PTK2: variants seen among roughly 807,000 people sequenced by gnomAD.
PTK2 encodes the protein focal adhesion kinase 1.
Under a neutral mutation model 150.1 loss-of-function variants are expected in PTK2, and 45 were observed. That is an observed-to-expected ratio of 0.30 (90% CI 0.24 to 0.38). PTK2 has a LOEUF of 0.38. PTK2 is among the 10% of genes least tolerant of loss of function. PTK2 has a pLI of 1.00. For missense variants in PTK2, 919 were observed against 1,307.3 expected (o/e 0.70, Z 4.58); for synonymous variants, 432 against 449.2 (o/e 0.96, Z 0.48).
rs543839655 is a variant in PTK2 at position 140,704,209 on chromosome 8, G to T, written c.2230-1502C>A. On this transcript the variant is annotated intron_variant, in intron 24 of 31. Transcript: ENST00000522684. ...GTCTAAGGCAGTTTTCTACATAATAGTAACCATGTAGAAGGATCACTTTAG... is the reference window on the plus strand; with the variant it reads ...GTCTAAGGCAGTTTTCTACATAATATTAACCATGTAGAAGGATCACTTTAG... Among the ~76,000 whole-genome samples, 58 of 152,262 alleles carry T rather than the reference G, an allele frequency of 3.8e-4. 1 individual carries two copies. In the South Asian group the frequency reaches 3.9e-3, roughly 10 times the overall value.
At chr8:140,988,602 G>C (rs2100194284) in intron 1 of PTK2, among the ~76,000 whole-genome samples, 1 of 152,136 alleles carries the variant, frequency 6.6e-6, no homozygotes, top group South Asian at 2.1e-4. Context: ...GGTGGTGGGC[G>C]CCCGTAGCCC....
chr8:140,793,426 T>A (rs747550559), intron 12 of PTK2, 42 bp from the exon 13 acceptor site: 2 of 1,596,048 alleles, frequency 1.3e-6, no homozygotes, highest in Non-Finnish European at 1.7e-6. Flanking sequence ...CTCTTTTCAC[T>A]CCTTTTGAAA....
chr8:140,679,138 C>T (rs2100015678), intron 27 of PTK2, among the ~76,000 whole-genome samples: 1 of 149,576 alleles, frequency 6.7e-6, no homozygotes, highest in African/African-American at 2.5e-5. Flanking sequence ...GATTCTCCTG[C>T]CTCAGCCTCC....
intron 2 of PTK2, among the ~76,000 whole-genome samples, chr8:140,912,723 G>A (rs1459902763): frequency 6.6e-6 from 1 of 152,096 alleles, no homozygotes; most frequent in Admixed American, 6.6e-5. Context: ...CACTTTGGGA[G>A]GCCGAGGCGG....
Position 140,879,561 on chromosome 8 carries a change from C to A in PTK2, c.272G>T (p.Arg91Leu), listed in dbSNP as rs1687166375. 6.2e-7 allele frequency: 1 copy of A among 1,612,678 alleles called. No individual in the cohort carries two copies. Among genetic ancestry groups the A allele is most frequent in the Non-Finnish European group, 8.5e-7 (1 of 1,179,650 alleles). ...GTGAAGCCAGTGAACCTCCTCTGAC[C>A]GCAGGTGACTGAGGCGGAATCCATA... The change falls in exon 4 of 32, where the codon CGG (arginine) becomes CTG (leucine). Residue 91 changes from arginine to leucine, a missense_variant. Arg to Leu is a moderately radical substitution (Grantham distance 102, BLOSUM62 -2). Transcript: ENST00000522684.
Position 140,746,979 on chromosome 8 carries a change from C to T in PTK2, c.1418-119G>A. On this transcript the variant is annotated intron_variant, in intron 17 of 31. Transcript: ENST00000522684. ...AATCTCGACTCATTGCAACCTCCAC[C>T]TCCTGGGTTCAAGTGATTCTCCTGC... 4.6e-6 allele frequency: 3 copies of T among 656,756 alleles called. No individual in the cohort carries two copies. The South Asian group carries it at 6.1e-5, about 13-fold the overall frequency. The allele number at this position is 656,756 out of a possible 1,614,324, so 40.7% of individuals were successfully genotyped here.
chr8:140,747,054 C>A (rs1482610587), intron 17 of PTK2, 194 bp from the exon 21 acceptor site: 8 of 477,974 alleles, frequency 1.7e-5, no homozygotes, highest in Non-Finnish European at 3.0e-5. Context: ...CCACGCCCGG[C>A]TAATTTTTTG....
At chr8:140,878,061 AAAC>A (rs2100146742) in intron 4 of PTK2, among the ~76,000 whole-genome samples, 1 of 152,194 alleles carries the variant, frequency 6.6e-6, no homozygotes, top group East Asian at 1.9e-4. Context: ...TCAAAAAACA[AAAC>A]AACACAAAAA....
intron 1 of PTK2, among the ~76,000 whole-genome samples, chr8:140,988,015 A>C (rs1038436764): frequency 2.0e-5 from 3 of 151,034 alleles, no homozygotes; most frequent in Non-Finnish European, 4.4e-5. Flanking sequence ...ACTGCACTCC[A>C]GCCTGGACAA....
chr8:140,959,401 T>C (rs1376106544), intron 1 of PTK2, among the ~76,000 whole-genome samples: 2 of 150,540 alleles, frequency 1.3e-5, no homozygotes, highest in African/African-American at 4.9e-5. Context: ...TAGCCACGCA[T>C]GGTGGCGGGT....
chr8:140,692,067 T>C (rs1384452594), intron 26 of PTK2, among the ~76,000 whole-genome samples: 3 of 152,252 alleles, frequency 2.0e-5, no homozygotes. Context: ...CATGAATTAA[T>C]CTATTTTTAT....
chr8:140,671,680 G>A (rs938080564), intron 29 of PTK2, among the ~76,000 whole-genome samples: 13 of 150,818 alleles, frequency 8.6e-5, no homozygotes, highest in African/African-American at 2.4e-4. Flanking sequence ...TTGGGAGGCC[G>A]AGGCGGGCGG....
chr8:140,773,165 CT>C (rs2100076495), intron 14 of PTK2, among the ~76,000 whole-genome samples: 1 of 152,152 alleles, frequency 6.6e-6, no homozygotes, highest in Non-Finnish European at 1.5e-5. Context: ...AAGTACAACT[CT>C]TTTTGAGTAA....
intron 27 of PTK2, among the ~76,000 whole-genome samples, chr8:140,679,663 G>A (rs1355762719): frequency 6.6e-6 from 1 of 152,158 alleles, no homozygotes. Flanking sequence ...CAACTGGGTT[G>A]TCATCACAAA....
At chr8:140,870,533 A>C (rs1025056607) in intron 4 of PTK2, among the ~76,000 whole-genome samples, 3 of 152,234 alleles carry the variant, frequency 2.0e-5, no homozygotes, top group Admixed American at 1.3e-4. Context: ...TAAAGATGAC[A>C]CAAAGGCTTT....
intron 2 of PTK2, among the ~76,000 whole-genome samples, chr8:140,903,102 T>C (rs2100159430): frequency 6.6e-6 from 1 of 152,136 alleles, no homozygotes; most frequent in Admixed American, 6.5e-5. Flanking sequence ...CCAGGGTTTT[T>C]ATGGTTTTAG....
At chr8:140,804,237 TTTC>T (rs1393071095) in intron 10 of PTK2, among the ~76,000 whole-genome samples, 1 of 151,574 alleles carries the variant, frequency 6.6e-6, no homozygotes, top group Non-Finnish European at 1.5e-5. Context: ...TCTTTTTTTT[TTTC>T]TTTTTCTTCT....
chr8:140,728,908 A>G (rs530947009), intron 22 of PTK2, among the ~76,000 whole-genome samples: 13 of 152,252 alleles, frequency 8.5e-5, no homozygotes, highest in Non-Finnish European at 1.3e-4. Context: ...AAGGCCACAT[A>G]ATCTTTTAAA....
At chr8:140,994,538 G>T (rs1333291387) in intron 1 of PTK2, among the ~76,000 whole-genome samples, 5 of 151,682 alleles carry the variant, frequency 3.3e-5, no homozygotes, top group Admixed American at 6.6e-5. Context: ...TTAGAGGCAG[G>T]GTCTCACTAT....
Sources: allele counts gnomAD v4.1 joint callset (sites outside exome capture counted in the v4.1 genomes callset), GRCh38; gene constraint gnomAD v4.1.1; transcripts MANE v1.5; gene names NCBI Gene and HGNC (gene_info 2026-07-23, HGNC 2026-07-21).